Variants in PHKB observed in about 807,000 individuals in gnomAD.
PHKB encodes phosphorylase b kinase regulatory subunit beta.
PHKB carries 122 observed loss-of-function variants against 152.1 expected under a neutral mutation model. The observed-to-expected ratio is 0.80, with a 90% confidence interval of 0.69 to 0.93. The LOEUF (loss-of-function observed/expected upper bound fraction) is 0.93. Ranked by LOEUF, PHKB falls within the 40% of genes least tolerant of loss-of-function variation. PHKB has a pLI of 0.00. For synonymous variants in PHKB, 436 were observed against 464.9 expected (o/e 0.94, Z 0.80); for missense variants, 1,304 against 1,328.4 (o/e 0.98, Z 0.29).
chr16:47,624,732 TCTTA>T (rs1207203171), intron 14 of PHKB, among the ~76,000 whole-genome samples: 3 of 152,222 alleles, frequency 2.0e-5, no homozygotes, highest in African/African-American at 7.2e-5. Context: ...CAAGGGCCTG[TCTTA>T]CTTCCCTTCT....
At chr16:47,558,927 C>G (rs1971429477) in intron 7 of PHKB, among the ~76,000 whole-genome samples, 1 of 152,192 alleles carries the variant, frequency 6.6e-6, no homozygotes, top group African/African-American at 2.4e-5. Flanking sequence ...CCATTAAAGA[C>G]AGAACCTTGG....
At position 47,626,502 on chromosome 16, in the gene PHKB, C is replaced by T. The variant is rs930192487; in HGVS notation, c.1459-14533C>T. On this transcript the variant is annotated intron_variant, in intron 14 of 30. Transcript: ENST00000323584. The stretch of plus-strand genomic sequence containing the variant: ...TGGCTTTCACACTGTAATAACTGCA[C>T]ATATGGCCTTTGCATTCATTTCCAC... Among the ~76,000 whole-genome samples, 4 of 152,244 alleles carry T rather than the reference C, an allele frequency of 2.6e-5. No individual in the cohort carries two copies. The East Asian group carries it at 7.7e-4, about 29-fold the overall frequency.
At chr16:47,599,039 T>C (rs928698642) in intron 13 of PHKB, 3 of 673,488 alleles carry the variant, frequency 4.5e-6, no homozygotes, top group East Asian at 5.3e-5. Context: ...CATGAAATAG[T>C]TTTCTTAGAA....
chr16:47,533,867 A>G (rs1013633896), intron 6 of PHKB, among the ~76,000 whole-genome samples: 3 of 151,996 alleles, frequency 2.0e-5, no homozygotes, highest in African/African-American at 7.2e-5. Flanking sequence ...GTCCACAGCC[A>G]CAACTTGGGC....
rs1483119691 is a variant in PHKB at position 47,594,130 on chromosome 16, A to G, written c.1127-7A>G. The G allele has an allele frequency of 2.2e-5, 32 of 1,452,022 alleles. No homozygotes were observed. The highest frequency in any genetic ancestry group is 2.9e-5 in the Non-Finnish European group (30 of 1,033,388). 89.9% of individuals were successfully genotyped at this position (1,452,022 alleles called of 1,614,324 possible). On this transcript the variant is annotated splice_region_variant and splice_polypyrimidine_tract_variant and intron_variant, in intron 11 of 30. Coordinates refer to ENST00000323584, the MANE Select transcript of PHKB (RefSeq NM_000293.3). ...GCTGCTATTGGATTTTATATTTTAT[A>G]TTTTAGGAGTTTTTAGAGGCAATCC...
intron 16 of PHKB, among the ~76,000 whole-genome samples, chr16:47,642,264 G>T (rs918027262): frequency 6.6e-6 from 1 of 151,766 alleles, no homozygotes; most frequent in African/African-American, 2.4e-5. Flanking sequence ...TGGTTTGCTG[G>T]GTCTCAAAGC....
chr16:47,584,902 TTTC>T (rs1284480594), intron 8 of PHKB, among the ~76,000 whole-genome samples: 1 of 152,218 alleles, frequency 6.6e-6, no homozygotes, highest in Non-Finnish European at 1.5e-5. Flanking sequence ...TTCAAATTGT[TTTC>T]TTTTTAATTG....
chr16:47,500,400 A>G (rs1334585425), intron 3 of PHKB, among the ~76,000 whole-genome samples: 1 of 152,158 alleles, frequency 6.6e-6, no homozygotes, highest in East Asian at 1.9e-4. Context: ...TTTGTGACCA[A>G]AACTTCTTGT....
chr16:47,640,054 A>C (rs1972989123), intron 14 of PHKB, among the ~76,000 whole-genome samples: 1 of 152,246 alleles, frequency 6.6e-6, no homozygotes, highest in Non-Finnish European at 1.5e-5. Context: ...ATCACATGAA[A>C]GTCTGCGTGA....
rs180965282 is a variant in PHKB, at chr16:47,658,683, C to T, written c.1972-1823C>T. On this transcript the variant is annotated intron_variant, in intron 20 of 30. Transcript: ENST00000323584. ...AAGAGCAATAGGCTGTGCCATATAG[C>T]TTAGTGCTTAGTAGGCTATGCCACC... 2.5e-3 allele frequency among the ~76,000 whole-genome samples: 379 copies of T among 152,196 alleles called. 4 individuals carry two copies. The highest frequency in any genetic ancestry group is 9.0e-3 in the African/African-American group (375 of 41,518).
chr16:47,590,895 A>T (rs1972017681), intron 10 of PHKB: 2 of 152,172 alleles, frequency 1.3e-5, no homozygotes, highest in South Asian at 4.2e-4. Flanking sequence ...TCAAGTTCGC[A>T]GACTTTCCTT....
At chr16:47,669,192 C>T in intron 25 of PHKB, 23 bp from the exon 26 acceptor site, 1 of 1,574,416 alleles carries the variant, frequency 6.4e-7, no homozygotes. Flanking sequence ...GAGAATTTTA[C>T]AATAAAATTC....
intron 27 of PHKB, 84 bp from the exon 28 acceptor site, chr16:47,693,294 G>T: frequency 7.2e-7 from 1 of 1,390,850 alleles, no homozygotes; most frequent in South Asian, 1.2e-5. Flanking sequence ...TACCCTATCA[G>T]AACAATTAGT....
At chr16:47,497,539 C>T (rs745535097) in intron 2 of PHKB, 51 bp downstream of exon 2, 3 of 1,037,766 alleles carry the variant, frequency 2.9e-6, no homozygotes, top group Non-Finnish European at 3.0e-6. Context: ...GATTAGTATT[C>T]CCCTTGCCCT....
intron 14 of PHKB, among the ~76,000 whole-genome samples, chr16:47,635,477 T>C (rs1972902927): frequency 6.6e-6 from 1 of 152,188 alleles, no homozygotes; most frequent in African/African-American, 2.4e-5. Context: ...AAAAGGAATT[T>C]AGGATGACTT....
intron 6 of PHKB, among the ~76,000 whole-genome samples, chr16:47,539,230 G>C (rs1971006948): frequency 6.6e-6 from 1 of 152,148 alleles, no homozygotes; most frequent in Admixed American, 6.6e-5. Flanking sequence ...TTCCACCTGT[G>C]AGCTTTGAGT....
intron 13 of PHKB, chr16:47,598,712 TC>T: frequency 3.8e-6 from 6 of 1,568,624 alleles, no homozygotes; most frequent in African/African-American, 2.7e-5. Context: ...GCCCATGGTT[TC>T]CACTCCCTCA....
intron 29 of PHKB, 99 bp from the exon 30 acceptor site, chr16:47,698,349 A>G (rs1974187079): frequency 1.1e-6 from 1 of 915,060 alleles, no homozygotes; most frequent in Non-Finnish European, 1.8e-6. Flanking sequence ...CCCTCATCAT[A>G]TAGAATATCC....
At position 47,471,175 on chromosome 16, in the gene PHKB, G is replaced by A. The variant is rs115164396; in HGVS notation, c.76+9749G>A. 6.9e-3 allele frequency among the ~76,000 whole-genome samples: 1,047 copies of A among 152,300 alleles called. 14 individuals are homozygous for A. The highest frequency in any genetic ancestry group is 0.024 in the African/African-American group (1,003 of 41,558). On this transcript the variant is annotated intron_variant, in intron 1 of 30. Coordinates refer to ENST00000323584, the MANE Select transcript of PHKB (RefSeq NM_000293.3). ...ATTTAACTCCTAGAAATAGGAATCA[G>A]TGGAGAAGTTGGGGTAAGGAGGACT...
Sources: gnomAD v4.1 joint callset for allele counts (sites outside exome capture counted in the v4.1 genomes callset) on GRCh38, gnomAD v4.1.1 for gene constraint, MANE v1.5 for transcripts, NCBI Gene and HGNC (gene_info 2026-07-23, HGNC 2026-07-21) for gene names.